ZNF16: variants seen among roughly 807,000 people sequenced by gnomAD.
The protein encoded by ZNF16 is zinc finger protein KOX9.
A neutral mutation model predicts 9.0 loss-of-function variants in ZNF16; 7 were observed. The observed-to-expected ratio is 0.78, with a 90% CI of 0.44 to 1.47. The LOEUF (loss-of-function observed/expected upper bound fraction) is 1.47. ZNF16 is among the 40% of genes most tolerant of loss of function. ZNF16 has a pLI of 0.01. For missense variants in ZNF16, 830 were observed against 854.2 expected (o/e 0.97, Z 0.35); for synonymous variants, 312 against 301.5 (o/e 1.03, Z -0.36).
chr8:144,946,597 A>ATCCTGCTGTTGGGCTTGTG (rs1185544498), intron 1 of ZNF16, among the ~76,000 whole-genome samples: 1 of 81,614 alleles, frequency 1.2e-5, no homozygotes, highest in African/African-American at 5.0e-5. Context: ...GTGGGTCTGT[A>ATCCTGCTGTTGGGCTTGTG]TCCTGCTGTT....
Position 144,930,599 on chromosome 8 carries a change from C to T in ZNF16, c.*139G>A. The T allele has an allele frequency of 1.1e-6, 1 of 920,394 alleles. No individual in the cohort carries two copies. The highest frequency in any genetic ancestry group is 1.6e-6 in the Non-Finnish European group (1 of 623,642). 57.0% of individuals were successfully genotyped at this position (920,394 alleles called of 1,614,324 possible). On this transcript the variant is annotated 3_prime_UTR_variant, in exon 3 of 3. Transcript: ENST00000394909. ...GTAAAGGATGTTTCAAAGGAGGGTC[C>T]CAGGCTATGTGGCCACTGGATGTAG...
chr8:144,950,752 A>G (rs921744274), intron 1 of ZNF16, 45 bp downstream of exon 1: 1 of 151,960 alleles, frequency 6.6e-6, no homozygotes, highest in African/African-American at 2.4e-5. Context: ...GGCATCAGGG[A>G]CAACCAGACG....
intron 2 of ZNF16, chr8:144,944,315 C>G (rs1478929678): frequency 1.3e-5 from 2 of 152,096 alleles, no homozygotes; most frequent in Admixed American, 6.6e-5. Context: ...CGTGATCCAC[C>G]TGCCTCAGCC....
chr8:144,947,140 C>T (rs1833975167), intron 1 of ZNF16, among the ~76,000 whole-genome samples: 1 of 124,962 alleles, frequency 8.0e-6, no homozygotes, highest in Non-Finnish European at 1.6e-5. Context: ...TGCTGTGGGC[C>T]ATACCCTTCT....
intron 2 of ZNF16, among the ~76,000 whole-genome samples, chr8:144,940,350 T>C (rs1178856420): frequency 6.6e-6 from 1 of 152,156 alleles, no homozygotes; most frequent in Admixed American, 6.5e-5. Flanking sequence ...CAATCACACC[T>C]GGCCTCTCTC....
chr8:144,932,142 C>T lies in ZNF16; in HGVS notation c.645G>A (p.Gly215=). 1 of 1,614,220 alleles carries T rather than the reference C, an allele frequency of 6.2e-7. No individual in the cohort carries two copies. Among genetic ancestry groups the T allele is most frequent in the Non-Finnish European group, 8.5e-7 (1 of 1,180,042 alleles). ...GGTCAGGATTTCCTTGGAAGGTTTT[C>T]CCACACTCATTACATATGAGTGGAC... ...AESPLICNEC[G]KTFQGNPDLI... Residue 215 remains glycine, a synonymous_variant, in exon 3 of 3, where the codon GGG becomes GGA. Coordinates refer to ENST00000394909, the MANE Select transcript of ZNF16 (RefSeq NM_006958.3). The surrounding 1 kb of genome is among the most constrained non-coding windows in gnomAD (Gnocchi z 5.0).
intron 1 of ZNF16, among the ~76,000 whole-genome samples, chr8:144,947,590 A>G (rs546499681): frequency 6.6e-6 from 1 of 152,282 alleles, no homozygotes; most frequent in South Asian, 2.1e-4. Context: ...GGTCAGTTCT[A>G]TCTGAGTTGC....
At chr8:144,946,672 A>G (rs1401798091) in intron 1 of ZNF16, among the ~76,000 whole-genome samples, 36 of 83,228 alleles carry the variant, frequency 4.3e-4, no homozygotes, top group African/African-American at 1.7e-3. Flanking sequence ...GTGGGCCTGT[A>G]CCCTACTGTG....
In ZNF16 at chr8:144,931,988, A is replaced by C. The variant is rs751932039; in HGVS notation, c.799T>G (p.Cys267Gly). 4 of 1,613,848 alleles carry C rather than the reference A, an allele frequency of 2.5e-6. No homozygotes were observed. Among genetic ancestry groups the C allele is most frequent in the Non-Finnish European group, 3.4e-6 (4 of 1,179,890 alleles). Residue 267 changes from cysteine (C) to glycine (G), a missense_variant, in exon 3 of 3, where the codon TGC (cysteine) becomes GGC (glycine). By Grantham distance (159) the Cys-to-Gly change is radical (BLOSUM62 -3). Coordinates refer to ENST00000394909, the MANE Select transcript of ZNF16 (RefSeq NM_006958.3). ...RSHMSEKAYQ[C>G]SECGKAFRGH... ...CGGAAGGCTTTCCCACATTCGCTGCACTGGTAAGCTTTCTCACTCATATGA... is the reference window on the plus strand; with the variant it reads ...CGGAAGGCTTTCCCACATTCGCTGCCCTGGTAAGCTTTCTCACTCATATGA...
chr8:144,930,788 T>G lies in ZNF16; in HGVS notation c.1999A>C (p.Ser667Arg), dbSNP rs1266210735. Residue 667 changes from serine to arginine, a missense_variant, in exon 3 of 3, where the codon AGC (serine) becomes CGC (arginine). By Grantham distance (110) the Ser-to-Arg change is moderately radical (BLOSUM62 -1). Transcript: ENST00000394909. ...YDCAACGKAF[S>R]QRSKLIKHQL... ...TGTTTGATCAACTTTGATCGCTGGC[T>G]GAAGGCTTTCCCACAAGCAGCACAG... 6.5e-7 allele frequency: 1 copy of G among 1,547,936 alleles called. No homozygotes were observed. The highest frequency in any genetic ancestry group is 8.7e-7 in the Non-Finnish European group (1 of 1,150,220).
At chr8:144,937,740 G>A (rs1413888532) in intron 2 of ZNF16, among the ~76,000 whole-genome samples, 1 of 152,172 alleles carries the variant, frequency 6.6e-6, no homozygotes, top group Non-Finnish European at 1.5e-5. Flanking sequence ...GTGCAGTGGT[G>A]ATCACAGCTG....
chr8:144,932,329 A>G lies in ZNF16; in HGVS notation c.458T>C (p.Leu153Pro), dbSNP rs1263290445. 6.2e-7 allele frequency: 1 copy of G among 1,614,168 alleles called. No individual in the cohort carries two copies. Among genetic ancestry groups the G allele is most frequent in the South Asian group, 1.1e-5 (1 of 91,088 alleles). ...GCGACTGTCAAAACCATTACAGTCC[A>G]GATCTTTCTCCCCTAAGGGGCCCCT... ...LLRGPLGEKD[L>P]DCNGFDSRFS... The change falls in exon 3 of 3, where the codon CTG becomes CCG. Residue 153 changes from leucine to proline, a missense_variant. By Grantham distance (98) the Leu-to-Pro change is moderately conservative (BLOSUM62 -3). Transcript: ENST00000394909. The surrounding 1 kb of genome is among the most constrained non-coding windows in gnomAD (Gnocchi z 5.0).
chr8:144,942,058 A>G (rs1833813152), intron 2 of ZNF16, among the ~76,000 whole-genome samples: 1 of 141,950 alleles, frequency 7.0e-6, no homozygotes. Context: ...GCTCATTGCA[A>G]GCTCCGTCTC....
chr8:144,935,028 G>A (rs1167272832), intron 2 of ZNF16, among the ~76,000 whole-genome samples: 1 of 152,116 alleles, frequency 6.6e-6, no homozygotes, highest in Non-Finnish European at 1.5e-5. Flanking sequence ...ATAGATCAAA[G>A]TCTTTTATTG....
intron 2 of ZNF16, among the ~76,000 whole-genome samples, chr8:144,934,436 C>T (rs1205956997): frequency 1.3e-5 from 2 of 152,270 alleles, no homozygotes; most frequent in African/African-American, 4.8e-5. Flanking sequence ...ATACACTCCA[C>T]ATGGGCTGCA....
Position 144,931,161 on chromosome 8 carries a change from C to G in ZNF16, c.1626G>C (p.Glu542Asp). The G allele has an allele frequency of 6.2e-7, 1 of 1,614,218 alleles. No individual in the cohort carries two copies. The highest frequency in any genetic ancestry group is 1.1e-5 in the South Asian group (1 of 91,088). Reference sequence around the variant, plus strand: ...CACATTCAGTACATTCATAGGGCTTCTCTCCAGTGTGGACTCGCTGGTGAA... The same window carrying G: ...CACATTCAGTACATTCATAGGGCTTGTCTCCAGTGTGGACTCGCTGGTGAA... ...LILHQRVHTG[E>D]KPYECTECGK... Residue 542 changes from glutamate (E) to aspartate (D), a missense_variant, in exon 3 of 3, where the codon GAG becomes GAC. Coordinates refer to ENST00000394909, the MANE Select transcript of ZNF16 (RefSeq NM_006958.3).
At position 144,946,008 on chromosome 8, in the gene ZNF16, T is replaced by C; in HGVS notation, c.196+3A>G. ...CACCAGCGGAGAACTGTTCTTAAAGTACCTGGCTGCTGATAGTGAGGGCAG... is the reference window on the plus strand; with the variant it reads ...CACCAGCGGAGAACTGTTCTTAAAGCACCTGGCTGCTGATAGTGAGGGCAG... On this transcript the variant is annotated splice_donor_region_variant and intron_variant, in intron 2 of 2. Transcript: ENST00000394909. The C allele has an allele frequency of 6.2e-7, 1 of 1,613,592 alleles. No homozygotes were observed. The highest frequency in any genetic ancestry group is 8.5e-7 in the Non-Finnish European group (1 of 1,179,754).
chr8:144,935,114 ATTC>A (rs939091675), intron 2 of ZNF16, among the ~76,000 whole-genome samples: 2 of 152,208 alleles, frequency 1.3e-5, no homozygotes, highest in Non-Finnish European at 2.9e-5. Context: ...ATTCAATGTA[ATTC>A]TTCTCTGTAA....
intron 2 of ZNF16, among the ~76,000 whole-genome samples, chr8:144,943,527 CT>C (rs1253537154): frequency 2.7e-5 from 4 of 148,472 alleles, no homozygotes; most frequent in Admixed American, 6.7e-5. Context: ...TTTCTTTTTT[CT>C]TTTTTTTTTG....
Sources: allele counts gnomAD v4.1 joint callset (sites outside exome capture counted in the v4.1 genomes callset), GRCh38; gene constraint gnomAD v4.1.1; non-coding constraint Gnocchi (gnomAD v3.1); transcripts MANE v1.5; gene names NCBI Gene and HGNC (gene_info 2026-07-23, HGNC 2026-07-21).